Variants in MESD observed in about 807,000 individuals in gnomAD.
The protein encoded by MESD is mesoderm development LRP chaperone.
Under a neutral mutation model 12.9 loss-of-function variants are expected in MESD, and 7 were observed. That is an observed-to-expected ratio of 0.54 (90% confidence interval 0.31 to 1.02). The LOEUF (loss-of-function observed/expected upper bound fraction) is 1.02, where lower values mean the gene tolerates loss of function less well. MESD is among the 50% of genes least tolerant of loss of function. The probability of loss-of-function intolerance (pLI) is 0.05; values close to 1 mark genes in which losing one functional copy is unlikely to be tolerated. For synonymous variants in MESD, 126 were observed against 115.6 expected (o/e 1.09, Z -0.58); for missense variants, 342 against 296.7 (o/e 1.15, Z -1.12).
rs10570822 is a variant in MESD at position 80,983,894 on chromosome 15, C to CTTTTTTTTT, written c.214-1721_214-1713dup. 1.9e-4 allele frequency among the ~76,000 whole-genome samples: 17 copies of CTTTTTTTTT among 88,504 alleles called. 1 individual carries two copies. Among genetic ancestry groups the CTTTTTTTTT allele is most frequent in the Admixed American group, 8.1e-4 (5 of 6,208 alleles). 58.1% of individuals were successfully genotyped at this position (88,504 alleles called of 152,430 possible). On this transcript the variant is annotated intron_variant, in intron 1 of 2. Transcript: ENST00000261758. ...ATAAATTACTAATAGAAAACAGTAA[C>CTTTTTTTTT]TTTTTTTTTTTTTTTTTTTTTTTTT... is the stretch of plus-strand genomic sequence containing the variant.
At chr15:80,956,820 C>CTTTTT (rs367724106) in intron 3 of MESD, among the ~76,000 whole-genome samples, 13 of 150,738 alleles carry the variant, frequency 8.6e-5, no homozygotes, top group African/African-American at 2.9e-4. Flanking sequence ...CATCTTCTCT[C>CTTTTT]TTTTTTTTTG....
At chr15:80,963,664 G>A (rs974167037) in intron 3 of MESD, among the ~76,000 whole-genome samples, 6 of 152,186 alleles carry the variant, frequency 3.9e-5, no homozygotes, top group Non-Finnish European at 8.8e-5. Flanking sequence ...GGGATGCGAG[G>A]CTGGTTCAAC....
chr15:80,965,720 G>C (rs1596228205), intron 3 of MESD, among the ~76,000 whole-genome samples: 1 of 152,146 alleles, frequency 6.6e-6, no homozygotes, highest in African/African-American at 2.4e-5. Context: ...GCCAAACACT[G>C]CATGTTCTCA....
downstream of MESD, among the ~76,000 whole-genome samples, chr15:80,975,354 T>C (rs978984071): frequency 2.0e-5 from 3 of 152,034 alleles, no homozygotes; most frequent in East Asian, 1.9e-4. Context: ...CACTGCACTC[T>C]AGCCTGAGTG....
Position 80,979,150 on chromosome 15 carries a change from C to T in MESD, c.*69G>A, listed in dbSNP as rs916802897. The T allele has an allele frequency of 1.9e-6, 3 of 1,552,584 alleles. No individual in the cohort carries two copies. The South Asian group carries it at 3.8e-5, about 20-fold the overall frequency. ...GTGTGCAGTTGCCTGAGACCACTCC[C>T]ACCCCAGGAGCTGGGCAAAGAGCTC... On this transcript the variant is annotated 3_prime_UTR_variant, in exon 3 of 3. Coordinates refer to ENST00000261758, the MANE Select transcript of MESD (RefSeq NM_015154.3).
In MESD at chr15:80,977,874, G is replaced by A. The variant is rs1309199540; in HGVS notation, c.*1345C>T. 1 of 152,246 alleles carries A rather than the reference G, an allele frequency of 6.6e-6. No individual in the cohort carries two copies. Among genetic ancestry groups the A allele is most frequent in the Non-Finnish European group, 1.5e-5 (1 of 68,098 alleles). The allele number at this position is 152,246 out of a possible 1,614,324, so 9.4% of individuals were successfully genotyped here. A position where few individuals can be genotyped will look rare whatever the true frequency, so the allele number is the denominator to read the frequency against. ...ATCACACAGGCCTCACCCTGGAGAGGGCATGGCCTGGAGGGTGGGGGGACT... is the reference window on the plus strand; with the variant it reads ...ATCACACAGGCCTCACCCTGGAGAGAGCATGGCCTGGAGGGTGGGGGGACT... On this transcript the variant is annotated 3_prime_UTR_variant, in exon 3 of 3. Transcript: ENST00000261758.
chr15:80,982,084 T>C lies in MESD; in HGVS notation c.312A>G (p.Ile104Met), dbSNP rs1358881873. The change falls in exon 2 of 3, where the codon ATA becomes ATG. Residue 104 changes from isoleucine (I) to methionine (M), a missense_variant. By Grantham distance (10) the Ile-to-Met change is conservative. Transcript: ENST00000261758. ...TCTTCCCTTTTTTCGTCATTTTCAA[T>C]ATGCTTTCAGGCTTGCTTGGGTCTA... ...SKIDPSKPES[I>M]LKMTKKGKTL... is the part of the protein sequence containing the mutation. The C allele has an allele frequency of 1.2e-6, 2 of 1,614,062 alleles. No homozygotes were observed. Among genetic ancestry groups the C allele is most frequent in the Non-Finnish European group, 1.7e-6 (2 of 1,180,034 alleles).
At chr15:80,951,715 T>C (rs1596221144) in intron 4 of MESD, 1 of 153,062 alleles carries the variant, frequency 6.5e-6, no homozygotes, top group African/African-American at 2.4e-5. Context: ...GCCAAGGAAA[T>C]TGGCTCTGGT....
chr15:80,964,191 AAC>A (rs1210660313), intron 3 of MESD, among the ~76,000 whole-genome samples: 1 of 151,464 alleles, frequency 6.6e-6, no homozygotes, highest in African/African-American at 2.5e-5. Flanking sequence ...GGAACACACA[AAC>A]AGAGAGCCAA....
chr15:80,987,624 G>C (rs1567127814), intron 1 of MESD, among the ~76,000 whole-genome samples: 1 of 152,058 alleles, frequency 6.6e-6, no homozygotes, highest in Admixed American at 6.5e-5. Flanking sequence ...AAGTAGCTGG[G>C]ATTACAGGTG....
At chr15:80,972,407 C>T (rs542484881), downstream of MESD, among the ~76,000 whole-genome samples, 2 of 152,270 alleles carry the variant, frequency 1.3e-5, no homozygotes, top group African/African-American at 4.8e-5. Context: ...ATTTGTCAAC[C>T]TGGTTGATGG....
intron 1 of MESD, among the ~76,000 whole-genome samples, chr15:80,988,438 G>A (rs1043029395): frequency 1.3e-5 from 2 of 152,286 alleles, no homozygotes; most frequent in Non-Finnish European, 2.9e-5. Context: ...TTTCTCATGA[G>A]GTGATGTTCT....
chr15:80,966,121 T>C (rs1596228391), intron 3 of MESD, among the ~76,000 whole-genome samples: 1 of 152,242 alleles, frequency 6.6e-6, no homozygotes, highest in East Asian at 1.9e-4. Context: ...ATTTCCATGA[T>C]AAAGTTTTTG....
intron 3 of MESD, among the ~76,000 whole-genome samples, chr15:80,959,559 GA>G (rs1902049145): frequency 6.6e-6 from 1 of 152,150 alleles, no homozygotes; most frequent in Non-Finnish European, 1.5e-5. Flanking sequence ...TGGTAAGGGG[GA>G]TCTTGGGCAT....
intron 2 of MESD, among the ~76,000 whole-genome samples, chr15:80,979,728 C>T (rs1902522890): frequency 1.3e-5 from 2 of 152,154 alleles, no homozygotes; most frequent in Admixed American, 6.6e-5. Flanking sequence ...TAAATGGATG[C>T]CCGTGTTAAA....
chr15:80,970,199 G>C (rs74426787), intron 3 of MESD, among the ~76,000 whole-genome samples: 3,869 of 152,272 alleles, frequency 0.025, 159 homozygotes, highest in African/African-American at 0.087. Flanking sequence ...TGGTGGGGAA[G>C]CCGTGAGGCA....
At chr15:80,982,460 G>A (rs1902607378) in intron 1 of MESD, among the ~76,000 whole-genome samples, 1 of 152,136 alleles carries the variant, frequency 6.6e-6, no homozygotes, top group South Asian at 2.1e-4. Flanking sequence ...AACATGGTAG[G>A]CTGTAAAAAT....
chr15:80,959,807 G>T (rs1483129705), intron 3 of MESD, among the ~76,000 whole-genome samples: 1 of 152,078 alleles, frequency 6.6e-6, no homozygotes. Flanking sequence ...TCTCCTGGAA[G>T]TGCTCAAAAA....
At chr15:80,963,860 C>G (rs1390459386) in intron 3 of MESD, among the ~76,000 whole-genome samples, 1 of 152,204 alleles carries the variant, frequency 6.6e-6, no homozygotes, top group African/African-American at 2.4e-5. Flanking sequence ...GACAAACCCA[C>G]AGCCAATATC....
Sources: gnomAD v4.1 joint callset for allele counts (sites outside exome capture counted in the v4.1 genomes callset) on GRCh38, gnomAD v4.1.1 for gene constraint, MANE v1.5 for transcripts, NCBI Gene and HGNC (gene_info 2026-07-23, HGNC 2026-07-21) for gene names.